Variants in PARP8 observed in about 807,000 individuals in gnomAD.
PARP8 encodes poly(ADP-ribose) polymerase family member 8.
A neutral mutation model predicts 124.1 loss-of-function variants in PARP8; 51 were observed. That is an observed-to-expected ratio of 0.41 (90% confidence interval 0.33 to 0.52). The LOEUF (loss-of-function observed/expected upper bound fraction) is 0.52. Among genes scored for constraint, PARP8 ranks in the 20% least tolerant of loss-of-function variants. The pLI is 0.21. For synonymous variants in PARP8, 391 were observed against 361.5 expected (o/e 1.08, Z -0.93); for missense variants, 860 against 1,018.9 (o/e 0.84, Z 2.12).
At chr5:50,700,641 TTTAAA>T (rs1753496067) in intron 2 of PARP8, among the ~76,000 whole-genome samples, 1 of 152,172 alleles carries the variant, frequency 6.6e-6, no homozygotes, top group African/African-American at 2.4e-5. Flanking sequence ...AAGGCAAGTA[TTTAAA>T]TTGGTAAGAA....
Position 50,833,962 on chromosome 5 carries a change from T to C in PARP8, c.2308-17T>C. On this transcript the variant is annotated splice_polypyrimidine_tract_variant and intron_variant, in intron 23 of 25. Transcript: ENST00000281631. ...GTTTCATTCTGACTCTAAGTTTTAA[T>C]TGTTTTTGGAATTTAGTCACAGAAA... 6.2e-7 allele frequency: 1 copy of C among 1,607,034 alleles called. No individual in the cohort carries two copies. Among genetic ancestry groups the C allele is most frequent in the Non-Finnish European group, 8.5e-7 (1 of 1,174,218 alleles).
intron 9 of PARP8, among the ~76,000 whole-genome samples, chr5:50,779,325 C>T (rs562506813): frequency 7.9e-4 from 121 of 152,260 alleles, no homozygotes; most frequent in African/African-American, 2.9e-3. Flanking sequence ...AAACTTCTCT[C>T]TCACTATTCT....
intron 2 of PARP8, among the ~76,000 whole-genome samples, chr5:50,726,900 C>T (rs572270279): frequency 6.7e-4 from 102 of 152,240 alleles, no homozygotes; most frequent in African/African-American, 2.3e-3. Context: ...ACACATCTCT[C>T]TGTTTCCTAT....
chr5:50,710,310 T>C (rs1419883660), intron 2 of PARP8, among the ~76,000 whole-genome samples: 1 of 151,972 alleles, frequency 6.6e-6, no homozygotes, highest in Non-Finnish European at 1.5e-5. Context: ...AAATTGATTG[T>C]TTTTGTACTT....
chr5:50,825,149 C>A (rs185203992), intron 18 of PARP8, among the ~76,000 whole-genome samples, 174 bp downstream of exon 18: 21 of 152,224 alleles, frequency 1.4e-4, no homozygotes, highest in African/African-American at 4.8e-4. Flanking sequence ...TAATGACTCT[C>A]ACTTTAATTA....
chr5:50,825,259 A>G (rs1343741881), intron 18 of PARP8, among the ~76,000 whole-genome samples: 2 of 152,182 alleles, frequency 1.3e-5, no homozygotes, highest in Non-Finnish European at 2.9e-5. Context: ...AAAAGATGTG[A>G]TTAACTAGCT....
chr5:50,667,247 G>T, intron 1 of PARP8, 61 bp downstream of exon 1: 2 of 1,532,528 alleles, frequency 1.3e-6, no homozygotes, highest in South Asian at 2.2e-5. Context: ...TTCTGACCGC[G>T]ACGTCTGTGG....
rs200521595 is a variant in PARP8 at position 50,709,922 on chromosome 5, G to GTATATA, written c.147-40200_147-40195dup. Among the ~76,000 whole-genome samples, 145 of 93,910 alleles carry GTATATA rather than the reference G, an allele frequency of 1.5e-3. 2 individuals are homozygous for GTATATA. Among genetic ancestry groups the GTATATA allele is most frequent in the African/African-American group, 5.1e-3 (127 of 24,842 alleles). The allele number at this position is 93,910 out of a possible 152,430, so 61.6% of individuals were successfully genotyped here. A position where few individuals can be genotyped will look rare whatever the true frequency, so the allele number is the denominator to read the frequency against. On this transcript the variant is annotated intron_variant, in intron 2 of 25. Transcript: ENST00000281631. ...TATGAGAATATGAGGTAGAAAGAGT[G>GTATATA]TATATATATATATATATATATATAT...
intron 2 of PARP8, among the ~76,000 whole-genome samples, chr5:50,671,701 A>T (rs1048448265): frequency 6.6e-6 from 1 of 152,126 alleles, no homozygotes; most frequent in African/African-American, 2.4e-5. Flanking sequence ...TTTTTCACCC[A>T]AGAATATAAC....
intron 2 of PARP8, among the ~76,000 whole-genome samples, chr5:50,721,779 TTAG>T (rs1238350995): frequency 6.6e-6 from 1 of 152,108 alleles, no homozygotes; most frequent in African/African-American, 2.4e-5. Context: ...AGCTTTCTCA[TTAG>T]TAGGAAAAAG....
intron 2 of PARP8, among the ~76,000 whole-genome samples, chr5:50,688,040 T>A (rs1184403022): frequency 6.6e-6 from 1 of 152,152 alleles, no homozygotes; most frequent in African/African-American, 2.4e-5. Context: ...GTAGAGATGA[T>A]GTCTTGCTGT....
intron 15 of PARP8, among the ~76,000 whole-genome samples, chr5:50,818,190 A>C (rs796825043): frequency 0.014 from 1,047 of 75,014 alleles, 5 homozygotes; most frequent in African/African-American, 0.024. Flanking sequence ...CCCCCCCCCC[A>C]AAAAAAAGAA....
intron 14 of PARP8, among the ~76,000 whole-genome samples, chr5:50,806,549 T>C (rs1380419188): frequency 6.6e-6 from 1 of 152,034 alleles, no homozygotes; most frequent in Non-Finnish European, 1.5e-5. Flanking sequence ...ATTTTCTAAA[T>C]AAATACGGAT....
At chr5:50,709,057 G>A (rs905281906) in intron 2 of PARP8, among the ~76,000 whole-genome samples, 2 of 152,016 alleles carry the variant, frequency 1.3e-5, no homozygotes, top group South Asian at 2.1e-4. Context: ...AAAGTGCTAA[G>A]ATTACCAGTA....
At chr5:50,822,018 C>CTTTATTCATTATGGCTTAGTGT (rs1419249276) in intron 16 of PARP8, among the ~76,000 whole-genome samples, 4 of 152,120 alleles carry the variant, frequency 2.6e-5, no homozygotes, top group Admixed American at 6.5e-5. Context: ...TCTATGTTGA[C>CTTTATTCATTATGGCTTAGTGT]TTTATTCATT....
chr5:50,704,594 G>A (rs547517596), intron 2 of PARP8, among the ~76,000 whole-genome samples: 1 of 152,226 alleles, frequency 6.6e-6, no homozygotes, highest in South Asian at 2.1e-4. Flanking sequence ...GGATTGAGAC[G>A]TGCTGTAAGT....
chr5:50,794,360 C>A, intron 11 of PARP8, 28 bp downstream of exon 11: 1 of 1,609,198 alleles, frequency 6.2e-7, no homozygotes, highest in South Asian at 1.1e-5. Context: ...TCGTCATTGT[C>A]TTACTGAATG....
At chr5:50,818,414 G>T (rs1745361025) in intron 15 of PARP8, among the ~76,000 whole-genome samples, 1 of 152,050 alleles carries the variant, frequency 6.6e-6, no homozygotes, top group African/African-American at 2.4e-5. Flanking sequence ...TTTTTTTGTG[G>T]AGACAGGATT....
At chr5:50,723,326 A>G (rs1177630619) in intron 2 of PARP8, among the ~76,000 whole-genome samples, 5 of 152,108 alleles carry the variant, frequency 3.3e-5, no homozygotes, top group African/African-American at 1.2e-4. Context: ...TGTTTAATTC[A>G]TTGTATTCTC....
Sources: allele counts gnomAD v4.1 joint callset (sites outside exome capture counted in the v4.1 genomes callset), GRCh38; gene constraint gnomAD v4.1.1; transcripts MANE v1.5; gene names NCBI Gene and HGNC (gene_info 2026-07-23, HGNC 2026-07-21).